The following SLC45A4 variants were observed in gnomAD, a reference collection of about 807,000 sequenced individuals.
SLC45A4 encodes the protein solute carrier family 45 member 4.
Under a neutral mutation model 63.7 loss-of-function variants are expected in SLC45A4, and 32 were observed. The observed-to-expected ratio is 0.50, with a 90% CI of 0.38 to 0.67. The LOEUF is 0.67. Ranked by LOEUF, SLC45A4 falls within the 30% of genes least tolerant of loss-of-function variation. SLC45A4 has a pLI of 0.00. For synonymous variants in SLC45A4, 535 were observed against 510.0 expected (o/e 1.05, Z -0.66); for missense variants, 1,027 against 1,157.7 (o/e 0.89, Z 1.64).
At chr8:141,296,734 G>A (rs184866638) in intron 1 of SLC45A4, among the ~76,000 whole-genome samples, 368 of 150,012 alleles carry the variant, frequency 2.5e-3, no homozygotes, top group Non-Finnish European at 2.7e-3. Flanking sequence ...TACTCAGGAG[G>A]CTGAGGCAGG....
chr8:141,292,981 A>T (rs1399237119), intron 1 of SLC45A4: 1 of 152,184 alleles, frequency 6.6e-6, no homozygotes, highest in Admixed American at 6.5e-5. Flanking sequence ...CATACCCCCT[A>T]GGGCCCAGAT....
intron 1 of SLC45A4, among the ~76,000 whole-genome samples, chr8:141,295,009 G>A (rs563859888): frequency 1.3e-4 from 20 of 152,354 alleles, no homozygotes; most frequent in African/African-American, 4.8e-4. Context: ...CAGGTTCTCC[G>A]GGGACAGTCC....
At chr8:141,300,674 T>C (rs72683523) in intron 1 of SLC45A4, among the ~76,000 whole-genome samples, 6,502 of 152,338 alleles carry the variant, frequency 0.043, 189 homozygotes, top group Middle Eastern at 0.085. Flanking sequence ...CAAAAACCTC[T>C]AGCAAATCTA....
Position 141,278,702 on chromosome 8 carries a change from G to A in SLC45A4, c.-400-24073C>T, listed in dbSNP as rs1372719536. 6.6e-6 allele frequency among the ~76,000 whole-genome samples: 1 copy of A among 152,262 alleles called. No individual in the cohort carries two copies. The highest frequency in any genetic ancestry group is 2.4e-5 in the African/African-American group (1 of 41,472). ...AGGAACTGTGAGTGAGCAGAAAAAT[G>A]CAATGCAATCAGCTGACCAGAGAGG... is the stretch of plus-strand genomic sequence containing the variant. On this transcript the variant is annotated intron_variant, in intron 1 of 8. Transcript: ENST00000517878. This position sits in a 1 kb window ranked among gnomAD's most constrained non-coding sequence, Gnocchi z 4.1.
At chr8:141,252,756 T>G (rs867113151) in intron 2 of SLC45A4, among the ~76,000 whole-genome samples, 1 of 128,544 alleles carries the variant, frequency 7.8e-6, no homozygotes, top group Admixed American at 7.6e-5. Flanking sequence ...CACCTGCGTC[T>G]GTGAATTTCC....
At chr8:141,238,438 G>A (rs533893962) in intron 2 of SLC45A4, among the ~76,000 whole-genome samples, 3 of 152,136 alleles carry the variant, frequency 2.0e-5, no homozygotes, top group Non-Finnish European at 4.4e-5. Context: ...CATCTTCCCA[G>A]ACTGAAACTC....
At position 141,218,551 on chromosome 8, in the gene SLC45A4, G is replaced by A. The variant is rs1332032072; in HGVS notation, c.1089C>T (p.Leu363=). The part of the protein sequence containing the change: ...KTKLPRLATF[L]KEAAKEDETL... Reference sequence around the variant, plus strand: ...TCTCGTCCTCCTTGGCGGCTTCCTTGAGGAAGGTGGCCAGGCGGGGCAGCT... The same window carrying A: ...TCTCGTCCTCCTTGGCGGCTTCCTTAAGGAAGGTGGCCAGGCGGGGCAGCT... Residue 363 remains leucine (L), a synonymous_variant, in exon 5 of 9, where the codon CTC becomes CTT. Transcript: ENST00000517878. 9.9e-6 allele frequency: 16 copies of A among 1,613,644 alleles called. No homozygotes were observed. The highest frequency in any genetic ancestry group is 1.4e-5 in the Non-Finnish European group (16 of 1,179,968).
intron 1 of SLC45A4, among the ~76,000 whole-genome samples, chr8:141,307,805 GGGGGCCGGGGT>G (rs1830945490): frequency 2.1e-5 from 3 of 144,926 alleles, no homozygotes; most frequent in Admixed American, 6.8e-5. Context: ...GCCCCGGGGT[GGGGGCCGGGGT>G]GGGGGGAATG....
intron 2 of SLC45A4, among the ~76,000 whole-genome samples, chr8:141,243,236 G>A (rs1003661769): frequency 6.6e-6 from 1 of 152,154 alleles, no homozygotes; most frequent in African/African-American, 2.4e-5. Flanking sequence ...CTCCAATGTC[G>A]GAGGGAGGGC....
chr8:141,251,082 G>A (rs1483296961), intron 2 of SLC45A4, among the ~76,000 whole-genome samples: 2 of 152,106 alleles, frequency 1.3e-5, no homozygotes, highest in Non-Finnish European at 2.9e-5. Flanking sequence ...TCTAAATTTT[G>A]TATTTGTCAC....
intron 1 of SLC45A4, among the ~76,000 whole-genome samples, chr8:141,270,019 G>C (rs1453115034): frequency 6.6e-6 from 1 of 152,074 alleles, no homozygotes; most frequent in Admixed American, 6.6e-5. Context: ...ACAGTGCCCT[G>C]AAGTCTCCTC....
intron 1 of SLC45A4, among the ~76,000 whole-genome samples, chr8:141,266,675 G>C (rs1829281154): frequency 6.6e-6 from 1 of 152,218 alleles, no homozygotes; most frequent in South Asian, 2.1e-4. Flanking sequence ...TCTGATAAAA[G>C]ACTGGCATCC....
intron 1 of SLC45A4, among the ~76,000 whole-genome samples, chr8:141,263,612 A>G (rs1038217068): frequency 6.7e-6 from 1 of 150,316 alleles, no homozygotes; most frequent in African/African-American, 2.5e-5. Flanking sequence ...AAAAAAAAAA[A>G]TACAAAAATT....
chr8:141,294,011 G>A (rs542869107), intron 1 of SLC45A4, among the ~76,000 whole-genome samples: 46 of 152,218 alleles, frequency 3.0e-4, no homozygotes, highest in African/African-American at 1.1e-3. Flanking sequence ...AGAAAAAATG[G>A]TTTGAACAAG....
rs201205534 is a variant in SLC45A4 at position 141,218,840 on chromosome 8, T to G, written c.800A>C (p.Glu267Ala). ...QYSPQQERSA[E>A]EPGALDGGEP... is the part of the protein sequence containing the mutation. Reference sequence around the variant, plus strand: ...GCCCCCATCCAGGGCGCCGGGCTCCTCAGCGCTGCGCTCCTGCTGCGGGCT... The same window carrying G: ...GCCCCCATCCAGGGCGCCGGGCTCCGCAGCGCTGCGCTCCTGCTGCGGGCT... Residue 267 changes from glutamate (E) to alanine (A), a missense_variant, in exon 5 of 9, where the codon GAG becomes GCG. Glu to Ala is a moderately radical substitution (Grantham distance 107). Transcript: ENST00000517878. 289 of 1,613,086 alleles carry G rather than the reference T, an allele frequency of 1.8e-4. No homozygotes were observed. Among genetic ancestry groups the G allele is most frequent in the Non-Finnish European group, 2.2e-4 (265 of 1,179,890 alleles).
chr8:141,234,227 G>C (rs934718552), intron 2 of SLC45A4, among the ~76,000 whole-genome samples: 1 of 152,230 alleles, frequency 6.6e-6, no homozygotes, highest in African/African-American at 2.4e-5. Context: ...AGGCAGCCTG[G>C]TTTGAAGGAA....
At chr8:141,295,331 C>T (rs1277115447) in intron 1 of SLC45A4, among the ~76,000 whole-genome samples, 5 of 152,136 alleles carry the variant, frequency 3.3e-5, no homozygotes, top group Non-Finnish European at 7.4e-5. Flanking sequence ...GCAGGACCTC[C>T]CAGTCCTGGC....
chr8:141,234,606 A>C (rs1569558383), intron 2 of SLC45A4, among the ~76,000 whole-genome samples: 1 of 152,198 alleles, frequency 6.6e-6, no homozygotes, highest in Non-Finnish European at 1.5e-5. Flanking sequence ...GTTACTTGCC[A>C]GCTTGAACCT....
At chr8:141,263,359 TATA>T (rs1046948465) in intron 1 of SLC45A4, among the ~76,000 whole-genome samples, 2 of 150,670 alleles carry the variant, frequency 1.3e-5, no homozygotes, top group East Asian at 1.9e-4. Context: ...AAACTTAAAG[TATA>T]ATAATAATAA....
Sources: allele counts gnomAD v4.1 joint callset (sites outside exome capture counted in the v4.1 genomes callset), GRCh38; gene constraint gnomAD v4.1.1; non-coding constraint Gnocchi (gnomAD v3.1); transcripts MANE v1.5; gene names NCBI Gene and HGNC (gene_info 2026-07-23, HGNC 2026-07-21).